The following ZMAT4 variants were observed in gnomAD, a reference collection of about 807,000 sequenced individuals.
The protein encoded by ZMAT4 is zinc finger matrin-type protein 4.
A neutral mutation model predicts 28.7 loss-of-function variants in ZMAT4; 17 were observed. The ratio of observed to expected loss-of-function variants is 0.59; its 90% CI spans 0.41 to 0.89. The LOEUF is 0.89. Ranked by LOEUF, ZMAT4 falls within the 40% of genes least tolerant of loss-of-function variation. The probability of loss-of-function intolerance (pLI) is 0.00; values close to 1 mark genes in which losing one functional copy is unlikely to be tolerated. For missense variants in ZMAT4, 240 were observed against 283.8 expected (o/e 0.85, Z 1.11); for synonymous variants, 117 against 109.2 (o/e 1.07, Z -0.44).
chr8:40,663,004 G>A (rs1485254395), intron 5 of ZMAT4, among the ~76,000 whole-genome samples: 1 of 152,112 alleles, frequency 6.6e-6, no homozygotes, highest in Non-Finnish European at 1.5e-5. Flanking sequence ...TCATTCCAAT[G>A]ATCACATCCT....
chr8:40,894,326 C>T (rs941045420), intron 1 of ZMAT4, among the ~76,000 whole-genome samples: 6 of 152,196 alleles, frequency 3.9e-5, no homozygotes, highest in African/African-American at 1.4e-4. Flanking sequence ...AGGGTAGGCT[C>T]CTATCACATT....
intron 6 of ZMAT4, among the ~76,000 whole-genome samples, chr8:40,546,085 C>G (rs1046940646): frequency 6.6e-6 from 1 of 151,826 alleles, no homozygotes; most frequent in Non-Finnish European, 1.5e-5. Context: ...TTCACACAGC[C>G]CACAAAAGTA....
chr8:40,669,140 AT>A (rs1808565618), intron 5 of ZMAT4, among the ~76,000 whole-genome samples: 1 of 152,164 alleles, frequency 6.6e-6, no homozygotes, highest in Non-Finnish European at 1.5e-5. Flanking sequence ...CACCAGAGGA[AT>A]TAACAGAAGA....
chr8:40,560,640 T>C (rs1266239799), intron 6 of ZMAT4, among the ~76,000 whole-genome samples: 1 of 152,036 alleles, frequency 6.6e-6, no homozygotes, highest in African/African-American at 2.4e-5. Flanking sequence ...CCTAATAGAT[T>C]TGCCTGATAA....
At chr8:40,867,369 C>T (rs557978727) in intron 1 of ZMAT4, among the ~76,000 whole-genome samples, 13 of 152,272 alleles carry the variant, frequency 8.5e-5, no homozygotes, top group African/African-American at 2.4e-4. Context: ...ACAAGCTTGC[C>T]GTAGCGTCTG....
At chr8:40,599,124 A>T (rs1245598632) in intron 5 of ZMAT4, among the ~76,000 whole-genome samples, 1 of 152,138 alleles carries the variant, frequency 6.6e-6, no homozygotes, top group Non-Finnish European at 1.5e-5. Context: ...ACATTCCCTT[A>T]TTGTAATTTC....
intron 6 of ZMAT4, among the ~76,000 whole-genome samples, chr8:40,576,184 C>T (rs904495480): frequency 6.6e-6 from 1 of 151,670 alleles, no homozygotes; most frequent in African/African-American, 2.4e-5. Context: ...AACCATAACA[C>T]AAATATTTGT....
chr8:40,628,934 C>T (rs978799903), intron 5 of ZMAT4, among the ~76,000 whole-genome samples: 1 of 151,598 alleles, frequency 6.6e-6, no homozygotes, highest in Non-Finnish European at 1.5e-5. Context: ...ATGAAGATTG[C>T]GTTTCTATGA....
chr8:40,633,996 G>A lies in ZMAT4; in HGVS notation c.577+40708C>T, dbSNP rs1483912679. ...TCCTGGGAAGTCAGCAGTGATGAAG[G>A]ACACACTGAGTCCAAGGACCTCCCC... On this transcript the variant is annotated intron_variant, in intron 5 of 6. Transcript: ENST00000297737. 2.6e-5 allele frequency among the ~76,000 whole-genome samples: 4 copies of A among 152,180 alleles called. No individual in the cohort carries two copies. The East Asian group carries it at 5.8e-4, about 22-fold the overall frequency.
intron 5 of ZMAT4, among the ~76,000 whole-genome samples, chr8:40,654,042 C>A (rs948892465): frequency 6.6e-6 from 1 of 152,156 alleles, no homozygotes; most frequent in Non-Finnish European, 1.5e-5. Flanking sequence ...TTTATGCATT[C>A]ATTTGTATTA....
At chr8:40,696,526 A>T (rs1015813396) in intron 4 of ZMAT4, among the ~76,000 whole-genome samples, 2 of 152,202 alleles carry the variant, frequency 1.3e-5, no homozygotes, top group African/African-American at 4.8e-5. Flanking sequence ...CAAATAGTTT[A>T]TCTTGATTAA....
chr8:40,871,885 A>G (rs893615619), intron 1 of ZMAT4, among the ~76,000 whole-genome samples: 1 of 152,234 alleles, frequency 6.6e-6, no homozygotes, highest in South Asian at 2.1e-4. Flanking sequence ...AGTTAAAATG[A>G]GTTTCCACTC....
chr8:40,660,990 G>A (rs944108742), intron 5 of ZMAT4, among the ~76,000 whole-genome samples: 8 of 152,236 alleles, frequency 5.3e-5, no homozygotes, highest in African/African-American at 1.9e-4. Flanking sequence ...ATGGCATCTT[G>A]GTATTCCAGG....
In ZMAT4 at chr8:40,532,782, G is replaced by A. The variant is rs550035943; in HGVS notation, c.675-544C>T. Among the ~76,000 whole-genome samples the A allele has an allele frequency of 7.2e-5, 11 of 152,200 alleles. No homozygotes were observed. In the East Asian group the frequency reaches 1.9e-3, roughly 27 times the overall value. ...GGAGGTAGAGGTGGGCAGATCACGA[G>A]GTCAGGATATCAAGACTATCCTGGC... On this transcript the variant is annotated intron_variant, in intron 6 of 6. Transcript: ENST00000297737.
At chr8:40,578,317 A>G (rs180931086) in intron 6 of ZMAT4, among the ~76,000 whole-genome samples, 2 of 152,246 alleles carry the variant, frequency 1.3e-5, no homozygotes, top group African/African-American at 4.8e-5. Flanking sequence ...GAAAAAAATC[A>G]TGAAACTCAA....
At chr8:40,893,110 C>T (rs1212748982) in intron 1 of ZMAT4, among the ~76,000 whole-genome samples, 2 of 152,204 alleles carry the variant, frequency 1.3e-5, no homozygotes, top group African/African-American at 4.8e-5. Flanking sequence ...CAGCTGGTCG[C>T]CATCCTCCAT....
intron 6 of ZMAT4, among the ~76,000 whole-genome samples, chr8:40,577,824 TTAAA>T (rs1406503216): frequency 6.6e-6 from 1 of 151,852 alleles, no homozygotes; most frequent in Non-Finnish European, 1.5e-5. Context: ...AATGAAATTA[TTAAA>T]TAATCAAATT....
intron 3 of ZMAT4, among the ~76,000 whole-genome samples, chr8:40,706,630 A>G (rs1226053838): frequency 6.6e-6 from 1 of 152,162 alleles, no homozygotes; most frequent in African/African-American, 2.4e-5. Context: ...CCTTATCATG[A>G]CATTTAAATT....
chr8:40,850,693 G>A (rs1450193626), intron 1 of ZMAT4, among the ~76,000 whole-genome samples: 4 of 152,224 alleles, frequency 2.6e-5, no homozygotes, highest in South Asian at 2.1e-4. Context: ...TCTCACACTC[G>A]TGCATTTACA....
Sources: gnomAD v4.1 joint callset for allele counts (sites outside exome capture counted in the v4.1 genomes callset) on GRCh38, gnomAD v4.1.1 for gene constraint, MANE v1.5 for transcripts, NCBI Gene and HGNC (gene_info 2026-07-23, HGNC 2026-07-21) for gene names.